The following ADIPOQ variants were observed in gnomAD, a reference collection of about 807,000 sequenced individuals.
ADIPOQ encodes the protein adiponectin.
Under a neutral mutation model 16.1 loss-of-function variants are expected in ADIPOQ, and 19 were observed. The observed-to-expected ratio is 1.18, with a 90% CI of 0.82 to 1.73. The LOEUF is 1.73. ADIPOQ is among the 40% of genes most tolerant of loss of function. ADIPOQ has a pLI of 0.00. For synonymous variants in ADIPOQ, 124 were observed against 125.5 expected, an observed-to-expected ratio of 0.99 and a Z score of 0.08; for missense variants, 323 against 308.3, an observed-to-expected ratio of 1.05 and a Z score of -0.36.
Position 186,854,509 on chromosome 3 carries a change from G to A in ADIPOQ, c.540G>A (p.Lys180=), listed in dbSNP as rs1030909029. 8.7e-6 allele frequency: 14 copies of A among 1,614,202 alleles called. No homozygotes were observed. Among genetic ancestry groups the A allele is most frequent in the Non-Finnish European group, 9.3e-6 (11 of 1,180,032 alleles). Residue 180 remains lysine, a synonymous_variant, in exon 3 of 3, where the codon AAG becomes AAA. Coordinates refer to ENST00000320741, the MANE Select transcript of ADIPOQ (RefSeq NM_004797.4). The part of the protein sequence containing the change: ...DVKVSLFKKD[K]AMLFTYDQYQ... ...AGGTCAGCCTCTTCAAGAAGGACAAGGCTATGCTCTTCACCTATGATCAGT... is the reference window on the plus strand; with the variant it reads ...AGGTCAGCCTCTTCAAGAAGGACAAAGCTATGCTCTTCACCTATGATCAGT...
chr3:186,848,169 C>A, intron 1 of ADIPOQ, among the ~76,000 whole-genome samples: 1 of 58,004 alleles, frequency 1.7e-5, no homozygotes, highest in East Asian at 5.7e-4. Flanking sequence ...CGAGACTCCA[C>A]TTCAGAAACA....
At position 186,854,432 on chromosome 3, in the gene ADIPOQ, C is replaced by T. The variant is rs200546423; in HGVS notation, c.463C>T (p.Pro155Ser). Residue 155 changes from proline (P) to serine (S), a missense_variant, in exon 3 of 3, where the codon CCT becomes TCT. By Grantham distance (74) the Pro-to-Ser change is moderately conservative. Coordinates refer to ENST00000320741, the MANE Select transcript of ADIPOQ (RefSeq NM_004797.4). ...GSTGKFHCNI[P>S]GLYYFAYHIT... The stretch of plus-strand genomic sequence containing the variant: ...CACTGGTAAATTCCACTGCAACATT[C>T]CTGGGCTGTACTACTTTGCCTACCA... The T allele has an allele frequency of 2.5e-6, 4 of 1,614,234 alleles. 1 individual carries two copies. The South Asian group carries it at 4.4e-5, about 18-fold the overall frequency.
chr3:186,847,615 T>A (rs925537791), intron 1 of ADIPOQ, among the ~76,000 whole-genome samples: 44 of 152,184 alleles, frequency 2.9e-4, no homozygotes, highest in African/African-American at 1.0e-3. Flanking sequence ...CATCACTCCT[T>A]CGTTGCCAAA....
intron 2 of ADIPOQ, chr3:186,853,960 C>T (rs542719134): frequency 1.8e-6 from 1 of 556,492 alleles, no homozygotes; most frequent in Admixed American, 3.2e-5. Context: ...TGATAGAGAC[C>T]TATAGGAGAT....
At chr3:186,848,812 G>A (rs1222526267) in intron 1 of ADIPOQ, among the ~76,000 whole-genome samples, 2 of 152,090 alleles carry the variant, frequency 1.3e-5, no homozygotes, top group African/African-American at 4.8e-5. Context: ...AATTAGGCAC[G>A]TTTGCACTGA....
chr3:186,849,029 A>C (rs1323375189), intron 1 of ADIPOQ, among the ~76,000 whole-genome samples: 1 of 152,190 alleles, frequency 6.6e-6, no homozygotes, highest in Non-Finnish European at 1.5e-5. Context: ...TGTCCATAAT[A>C]CTGAAGTTTG....
intron 2 of ADIPOQ, chr3:186,853,869 C>T (rs914164301): frequency 3.4e-6 from 1 of 298,370 alleles, no homozygotes; most frequent in Non-Finnish European, 6.2e-6. Flanking sequence ...GGAGGAGAGA[C>T]ATCCTAGATG....
Position 186,853,088 on chromosome 3 carries a change from A to G in ADIPOQ, c.30A>G (p.Leu10=). ...TGTTGCTGGGAGCTGTTCTACTGCT[A>G]TTAGCTCTGCCCGGTCATGACCAGG... MLLLGAVLL[L]LALPGHDQET... The change falls in exon 2 of 3, where the codon CTA becomes CTG. Residue 10 remains leucine (L), a synonymous_variant. Transcript: ENST00000320741. 6.2e-7 allele frequency: 1 copy of G among 1,614,130 alleles called. No homozygotes were observed.
At chr3:186,853,673 G>A in intron 2 of ADIPOQ, 1 of 258,600 alleles carries the variant, frequency 3.9e-6, no homozygotes, top group South Asian at 5.5e-5. Context: ...GATGTCTAAT[G>A]TGCAAGGCTC....
rs1712003480 is a variant in ADIPOQ, at chr3:186,856,381, C to T, written c.*1677C>T. ...TTTGCTTACAGTTTTAAATTCTGAA[C>T]AATTCTCTCTTATATGTGTATTGCT... is the stretch of plus-strand genomic sequence containing the variant. On this transcript the variant is annotated 3_prime_UTR_variant, in exon 3 of 3. Coordinates refer to ENST00000320741, the MANE Select transcript of ADIPOQ (RefSeq NM_004797.4). 6.6e-6 allele frequency: 1 copy of T among 152,172 alleles called. No individual in the cohort carries two copies. Among genetic ancestry groups the T allele is most frequent in the South Asian group, 2.1e-4 (1 of 4,828 alleles). 9.4% of individuals were successfully genotyped at this position (152,172 alleles called of 1,614,324 possible).
chr3:186,847,001 C>T (rs963692586), intron 1 of ADIPOQ, among the ~76,000 whole-genome samples: 9 of 152,148 alleles, frequency 5.9e-5, no homozygotes, highest in African/African-American at 1.9e-4. Flanking sequence ...GTTTAATTTC[C>T]GACTCCTCTC....
intron 1 of ADIPOQ, chr3:186,845,737 T>G (rs1711560050): frequency 1.3e-5 from 2 of 152,202 alleles, no homozygotes; most frequent in South Asian, 4.1e-4. Flanking sequence ...GCTAGCATCG[T>G]TCCCTCTCCA....
Position 186,853,075 on chromosome 3 carries a change from C to G in ADIPOQ, c.17C>G (p.Ala6Gly). The G allele has an allele frequency of 6.2e-7, 1 of 1,614,180 alleles. No homozygotes were observed. The highest frequency in any genetic ancestry group is 8.5e-7 in the Non-Finnish European group (1 of 1,180,022). Reference sequence around the variant, plus strand: ...GGGCTCAGGATGCTGTTGCTGGGAGCTGTTCTACTGCTATTAGCTCTGCCC... The same window carrying G: ...GGGCTCAGGATGCTGTTGCTGGGAGGTGTTCTACTGCTATTAGCTCTGCCC... MLLLGAVLLLLALPGH... is the reference protein window; with the variant it reads MLLLGGVLLLLALPGH... Residue 6 changes from alanine to glycine, a missense_variant, in exon 2 of 3, where the codon GCT (alanine) becomes GGT (glycine). Transcript: ENST00000320741.
rs1450603355 is a variant in ADIPOQ at position 186,854,837 on chromosome 3, T to TATTC, written c.*144_*147dup. ...TTATTCATTCATTTACTCATTCATT[T>TATTC]ATTCATTCATTCATCGAGTAACTTT... On this transcript the variant is annotated 3_prime_UTR_variant, in exon 3 of 3. Transcript: ENST00000320741. The TATTC allele has an allele frequency of 1.6e-6, 2 of 1,283,240 alleles. No homozygotes were observed. Among genetic ancestry groups the TATTC allele is most frequent in the Non-Finnish European group, 2.2e-6 (2 of 909,570 alleles). 79.5% of individuals were successfully genotyped at this position (1,283,240 alleles called of 1,614,324 possible).
chr3:186,853,028 G>T, intron 1 of ADIPOQ, 23 bp from the exon 2 acceptor site: 2 of 1,613,494 alleles, frequency 1.2e-6, no homozygotes, highest in South Asian at 2.2e-5. Flanking sequence ...CTCCATGGCT[G>T]ACAGTGCACA....
At chr3:186,846,816 C>A (rs73067512) in intron 1 of ADIPOQ, among the ~76,000 whole-genome samples, 2,686 of 152,194 alleles carry the variant, frequency 0.018, 97 homozygotes, top group African/African-American at 0.062. Flanking sequence ...CATGCCTGTG[C>A]GAGGTTTGCC....
chr3:186,853,495 C>A (rs1711865551), intron 2 of ADIPOQ, among the ~76,000 whole-genome samples: 1 of 152,204 alleles, frequency 6.6e-6, no homozygotes, highest in Admixed American at 6.5e-5. Flanking sequence ...AGCTCCTTTT[C>A]CATCCCCTTT....
intron 1 of ADIPOQ, among the ~76,000 whole-genome samples, chr3:186,845,325 C>G (rs16861209): frequency 1.3e-5 from 2 of 151,964 alleles, no homozygotes; most frequent in Non-Finnish European, 2.9e-5. Context: ...TATTGGGTTG[C>G]ACCGTGTGAA....
chr3:186,854,255 G>T lies in ADIPOQ; in HGVS notation c.286G>T (p.Gly96Ter). Residue 96 changes from glycine to a stop codon, truncating the protein, a stop_gained, in exon 3 of 3, where the codon GGA becomes TGA. Transcript: ENST00000320741. LOFTEE classifies it high-confidence loss of function. ...PGAEGPRGFP[G>*]IQGRKGEPGE... ...GGCTGAAGGTCCCCGAGGCTTTCCG[G>T]GAATCCAAGGCAGGAAAGGAGAACC... 1.9e-6 allele frequency: 3 copies of T among 1,613,788 alleles called. No homozygotes were observed. The East Asian group carries it at 6.7e-5, about 36-fold the overall frequency.
Sources: gnomAD v4.1 joint callset for allele counts (sites outside exome capture counted in the v4.1 genomes callset) on GRCh38, gnomAD v4.1.1 for gene constraint, MANE v1.5 for transcripts, NCBI Gene and HGNC (gene_info 2026-07-23, HGNC 2026-07-21) for gene names.